ROBO2: variants seen among roughly 807,000 people sequenced by gnomAD.
The protein encoded by ROBO2 is roundabout guidance receptor 2.
Under a neutral mutation model 160.8 loss-of-function variants are expected in ROBO2, and 53 were observed. The observed-to-expected ratio is 0.33, with a 90% CI of 0.26 to 0.41. ROBO2 has a LOEUF of 0.41. Ranked by LOEUF, ROBO2 falls within the 10% of genes least tolerant of loss-of-function variation. The pLI is 1.00. For synonymous variants in ROBO2, 664 were observed against 611.7 expected, an observed-to-expected ratio of 1.09 and a Z score of -1.26; for missense variants, 1,577 against 1,722.4, an observed-to-expected ratio of 0.92 and a Z score of 1.49.
At chr3:76,063,430 T>G (rs1299876456) in intron 2 of ROBO2, among the ~76,000 whole-genome samples, 1 of 151,234 alleles carries the variant, frequency 6.6e-6, no homozygotes, top group African/African-American at 2.4e-5. Context: ...GCAGCCTTGA[T>G]TCCCTTTGGG....
intron 22 of ROBO2, 47 bp from the exon 24 acceptor site, chr3:77,622,180 C>T: frequency 1.3e-6 from 2 of 1,521,532 alleles, no homozygotes; most frequent in Non-Finnish European, 1.8e-6. Flanking sequence ...GATTTTGTTG[C>T]ATGTTAATAA....
At chr3:77,022,451 A>G (rs993154542) in intron 2 of ROBO2, among the ~76,000 whole-genome samples, 6 of 152,220 alleles carry the variant, frequency 3.9e-5, no homozygotes, top group Admixed American at 6.5e-5. Context: ...CCGTTATAGC[A>G]ACAGAAAATA....
At chr3:77,290,549 G>A (rs13073389) in intron 2 of ROBO2, among the ~76,000 whole-genome samples, 5 of 5,204 alleles carry the variant, frequency 9.6e-4, no homozygotes, top group Admixed American at 4.6e-3. Context: ...CCCCAGACAT[G>A]AAGTAAAATT....
At chr3:77,009,300 G>A (rs1337648899) in intron 2 of ROBO2, among the ~76,000 whole-genome samples, 1 of 152,184 alleles carries the variant, frequency 6.6e-6, no homozygotes. Flanking sequence ...GCGGTTTGCA[G>A]TTAACTTTTC....
intron 2 of ROBO2, among the ~76,000 whole-genome samples, chr3:77,318,234 A>T (rs1029023965): frequency 2.0e-5 from 3 of 151,896 alleles, no homozygotes; most frequent in African/African-American, 7.3e-5. Context: ...GGGTTTCGCC[A>T]TGTTGGCCCG....
chr3:77,248,397 C>T (rs1204407900), intron 2 of ROBO2, among the ~76,000 whole-genome samples: 1 of 151,436 alleles, frequency 6.6e-6, no homozygotes, highest in Admixed American at 6.6e-5. Flanking sequence ...TCACACTGAC[C>T]CTCCACTGAG....
rs538331243 is a variant in ROBO2 at position 77,267,765 on chromosome 3, G to A, written c.388+169425G>A. Among the ~76,000 whole-genome samples, 5 of 152,212 alleles carry A rather than the reference G, an allele frequency of 3.3e-5. No homozygotes were observed. In the East Asian group the frequency reaches 7.8e-4, roughly 24 times the overall value. ...AGGGGGCTTGACCCTTGACTGATGGGCCATATGTTGTAAAGCCCTAGGGGC... is the reference window on the plus strand; with the variant it reads ...AGGGGGCTTGACCCTTGACTGATGGACCATATGTTGTAAAGCCCTAGGGGC... On this transcript the variant is annotated intron_variant, in intron 2 of 25. Transcript: ENST00000461745.
chr3:76,279,462 A>G (rs1440011563), intron 2 of ROBO2, among the ~76,000 whole-genome samples: 1 of 151,966 alleles, frequency 6.6e-6, no homozygotes, highest in East Asian at 1.9e-4. Context: ...CACTATGGCA[A>G]GCGAAAAGTT....
chr3:76,288,245 A>G (rs1284365363), intron 2 of ROBO2, among the ~76,000 whole-genome samples: 1 of 152,190 alleles, frequency 6.6e-6, no homozygotes, highest in Non-Finnish European at 1.5e-5. Context: ...CTCCTATAGC[A>G]TGCTCTCAAT....
intron 2 of ROBO2, among the ~76,000 whole-genome samples, chr3:77,165,982 G>C (rs552614152): frequency 1.3e-5 from 2 of 152,256 alleles, no homozygotes; most frequent in South Asian, 4.1e-4. Flanking sequence ...ATCTCTCTCT[G>C]TATGTACAAC....
At chr3:77,510,059 T>C (rs1373851467) in intron 5 of ROBO2, among the ~76,000 whole-genome samples, 4 of 151,744 alleles carry the variant, frequency 2.6e-5, no homozygotes, top group Non-Finnish European at 5.9e-5. Flanking sequence ...TGCTCGAGTA[T>C]AGGAGGGGAC....
intron 23 of ROBO2, among the ~76,000 whole-genome samples, chr3:77,626,697 G>A (rs576990884): frequency 1.6e-3 from 241 of 152,260 alleles, no homozygotes; most frequent in Non-Finnish European, 2.8e-3. Flanking sequence ...AGTGCAGGGG[G>A]AAAATGCCCT....
chr3:76,948,099 A>C (rs1436421692), intron 2 of ROBO2, among the ~76,000 whole-genome samples: 1 of 152,156 alleles, frequency 6.6e-6, no homozygotes, highest in East Asian at 1.9e-4. Flanking sequence ...TATTTATCCC[A>C]CATCCTGGAA....
chr3:76,245,006 A>G lies in ROBO2; in HGVS notation c.109+307404A>G, dbSNP rs530877309. Among the ~76,000 whole-genome samples, 4 of 152,140 alleles carry G rather than the reference A, an allele frequency of 2.6e-5. No individual in the cohort carries two copies. The East Asian group carries it at 7.8e-4, about 30-fold the overall frequency. On this transcript the variant is annotated intron_variant, in intron 2 of 26. Transcript: ENST00000487694. The stretch of plus-strand genomic sequence containing the variant: ...AATATGTTTTGAAATTGGCTTACAA[A>G]TTCACCGATGAAATTAAACAGTGTG...
At chr3:77,114,016 A>C (rs1346106705) in intron 2 of ROBO2, among the ~76,000 whole-genome samples, 1 of 152,328 alleles carries the variant, frequency 6.6e-6, no homozygotes, top group East Asian at 1.9e-4. Context: ...AGAGGCAGGC[A>C]TGAGATGACA....
intron 2 of ROBO2, among the ~76,000 whole-genome samples, chr3:77,252,462 CTTTTAAATGACACTTGATGCA>C: frequency 6.6e-6 from 1 of 152,138 alleles, no homozygotes; most frequent in Non-Finnish European, 1.5e-5. Context: ...CAATTCATTC[CTTTTAAATGACACTTGATGCA>C]TTTGAAAGAG....
intron 2 of ROBO2, among the ~76,000 whole-genome samples, chr3:76,948,900 A>ATTTTTTTTTT (rs2078761417): frequency 2.4e-5 from 1 of 41,918 alleles, no homozygotes; most frequent in African/African-American, 1.3e-4. Flanking sequence ...ATATATATAT[A>ATTTTTTTTTT]TATATATATT....
intron 2 of ROBO2, among the ~76,000 whole-genome samples, chr3:76,003,813 G>A (rs669957): frequency 1 from 151,864 of 152,328 alleles, 75,700 homozygotes; most frequent in Non-Finnish European, 1. Flanking sequence ...TGATATACCA[G>A]TGGCAAATAA....
At chr3:77,221,942 T>G (rs1473947004) in intron 2 of ROBO2, among the ~76,000 whole-genome samples, 1 of 146,832 alleles carries the variant, frequency 6.8e-6, no homozygotes, top group African/African-American at 2.5e-5. Context: ...AACCTCCGCC[T>G]CCCAGATTCA....
Sources: allele counts gnomAD v4.1 joint callset (sites outside exome capture counted in the v4.1 genomes callset), GRCh38; gene constraint gnomAD v4.1.1; transcripts MANE v1.5; gene names NCBI Gene and HGNC (gene_info 2026-07-23, HGNC 2026-07-21).